DNAH12: variants seen among roughly 807,000 people sequenced by gnomAD.
The protein encoded by DNAH12 is dynein axonemal heavy chain 12.
In DNAH12, 285 loss-of-function variants were observed where a neutral mutation model predicts 371.5. The ratio of observed to expected loss-of-function variants is 0.77; its 90% CI spans 0.70 to 0.85. The LOEUF (loss-of-function observed/expected upper bound fraction) is 0.85. Among genes scored for constraint, DNAH12 ranks in the 40% least tolerant of loss-of-function variants. The pLI is 0.00. For missense variants in DNAH12, 3,611 were observed against 3,689.4 expected (o/e 0.98, Z 0.55); for synonymous variants, 1,200 against 1,213.0 (o/e 0.99, Z 0.22).
At chr3:57,516,053 C>CTTGTTT (rs2068179602) in intron 4 of DNAH12, among the ~76,000 whole-genome samples, 2 of 71,964 alleles carry the variant, frequency 2.8e-5, no homozygotes, top group African/African-American at 5.4e-5. Context: ...ACTGCTTAGT[C>CTTGTTT]TTTTTTTTTT....
intron 5 of DNAH12, 136 bp from the exon 6 acceptor site, chr3:57,509,348 G>GA (rs1258011095): frequency 2.6e-6 from 2 of 768,772 alleles, no homozygotes; most frequent in African/African-American, 3.5e-5. Flanking sequence ...TCCTTTATTT[G>GA]AAACAAAATC....
At chr3:57,403,270 T>C in intron 43 of DNAH12, 39 bp downstream of exon 43, 1 of 1,510,336 alleles carries the variant, frequency 6.6e-7, no homozygotes, top group East Asian at 2.5e-5. Flanking sequence ...AAGAATATAC[T>C]GTTTTCATTT....
chr3:57,521,274 C>A (rs2068429918), intron 4 of DNAH12, among the ~76,000 whole-genome samples: 1 of 151,780 alleles, frequency 6.6e-6, no homozygotes, highest in African/African-American at 2.4e-5. Context: ...AAGGTGGGAG[C>A]TTTAGGCTGA....
intron 49 of DNAH12, among the ~76,000 whole-genome samples, chr3:57,384,619 G>T (rs964716427): frequency 5.9e-5 from 9 of 152,006 alleles, no homozygotes; most frequent in African/African-American, 2.2e-4. Flanking sequence ...ACTCCAGCTT[G>T]GTCAACAAAG....
chr3:57,459,415 T>C (rs1310896885), intron 20 of DNAH12, among the ~76,000 whole-genome samples, 177 bp downstream of exon 20: 4 of 152,244 alleles, frequency 2.6e-5, no homozygotes, highest in Admixed American at 2.6e-4. Context: ...ATGTATCTTA[T>C]GAATTGAAAA....
chr3:57,421,678 G>A lies in DNAH12; in HGVS notation c.5402C>T (p.Ser1801Leu), dbSNP rs2064585668. The A allele has an allele frequency of 3.2e-6, 5 of 1,551,348 alleles. No homozygotes were observed. The highest frequency in any genetic ancestry group is 2.4e-5 in the South Asian group (2 of 84,026). ...MACFIFSLIWSIGGSCDTDGR... is the reference protein window; with the variant it reads ...MACFIFSLIWLIGGSCDTDGR... The stretch of plus-strand genomic sequence containing the variant: ...ATCTGTATCACAACTTCCTCCAATC[G>A]ACCAAATCAAAGAGAATATAAAGCA... The change falls in exon 36 of 74, where the codon TCG (serine) becomes TTG (leucine). Residue 1801 changes from serine (S) to leucine (L), a missense_variant. This residue lies in a region of DNAH12 where 2,266 missense variants were observed against 2,236.9 expected (regional missense o/e 1.01). Transcript: ENST00000495027.
chr3:57,345,115 T>A (rs1206906973), intron 60 of DNAH12, among the ~76,000 whole-genome samples: 2 of 152,116 alleles, frequency 1.3e-5, no homozygotes, highest in Non-Finnish European at 2.9e-5. Context: ...AAGGAAATAA[T>A]AAGAAAAATG....
chr3:57,395,856 G>A (rs1345475519), intron 43 of DNAH12, among the ~76,000 whole-genome samples: 1 of 151,900 alleles, frequency 6.6e-6, no homozygotes, highest in Non-Finnish European at 1.5e-5. Context: ...ACTAGGGAGG[G>A]TGAGGTGGGA....
chr3:57,390,674 T>C (rs1407636735), intron 45 of DNAH12, among the ~76,000 whole-genome samples: 6 of 151,582 alleles, frequency 4.0e-5, no homozygotes, highest in African/African-American at 1.5e-4. Flanking sequence ...CTCAAGAGTA[T>C]GAATACCAAA....
Position 57,453,313 on chromosome 3 carries a change from T to G in DNAH12, c.3547A>C (p.Thr1183Pro). ...TCAATAGTAACCAAAGCCCCCAGAG[T>G]GGTCCTGGTCTGCTTAGACAACTTT... ...RGKLSKQTRT[T>P]LGALVTIDVH... Residue 1183 changes from threonine (T) to proline (P), a missense_variant, in exon 24 of 74, where the codon ACT becomes CCT. By Grantham distance (38) the Thr-to-Pro change is conservative (BLOSUM62 -1). Coordinates refer to ENST00000495027, the MANE Select transcript of DNAH12 (RefSeq NM_001366028.2). The G allele has an allele frequency of 6.4e-7, 1 of 1,550,924 alleles. No individual in the cohort carries two copies.
chr3:57,296,699 A>C, intron 71 of DNAH12, 148 bp downstream of exon 71: 3 of 1,017,344 alleles, frequency 2.9e-6, no homozygotes, highest in Non-Finnish European at 4.2e-6. Context: ...ATTGCAATAT[A>C]TAAAAGTTCT....
intron 16 of DNAH12, among the ~76,000 whole-genome samples, chr3:57,469,987 T>A (rs1488884532): frequency 6.6e-6 from 1 of 152,084 alleles, no homozygotes; most frequent in Non-Finnish European, 1.5e-5. Context: ...AAAATAAAAG[T>A]TGAAATTATA....
chr3:57,371,654 C>G (rs1422964182), intron 55 of DNAH12, among the ~76,000 whole-genome samples: 19 of 128,518 alleles, frequency 1.5e-4, no homozygotes, highest in African/African-American at 5.8e-4. Context: ...AACTGAGACC[C>G]CCATCTCAAA....
At chr3:57,535,976 A>G (rs2069028255) in intron 2 of DNAH12, among the ~76,000 whole-genome samples, 1 of 151,852 alleles carries the variant, frequency 6.6e-6, no homozygotes, top group Non-Finnish European at 1.5e-5. Flanking sequence ...CGCTGGGATT[A>G]TAGGCATCCG....
At chr3:57,349,704 T>C (rs2062626594) in intron 60 of DNAH12, among the ~76,000 whole-genome samples, 1 of 152,218 alleles carries the variant, frequency 6.6e-6, no homozygotes, top group South Asian at 2.1e-4. Context: ...TATTTATTTA[T>C]TTTGAGACGG....
upstream of DNAH12, among the ~76,000 whole-genome samples, chr3:57,544,789 T>A (rs1007315534): frequency 1.3e-5 from 2 of 152,132 alleles, no homozygotes; most frequent in African/African-American, 4.8e-5. Flanking sequence ...GGTTAAGGTG[T>A]GTGAATTTAG....
rs369971376 is a variant in DNAH12 at position 57,420,908 on chromosome 3, C to CAAAAAA, written c.5562+604_5562+609dup. 1.2e-3 allele frequency among the ~76,000 whole-genome samples: 94 copies of CAAAAAA among 77,984 alleles called. 3 individuals are homozygous for CAAAAAA. The highest frequency in any genetic ancestry group is 4.6e-3 in the African/African-American group (87 of 18,916). 51.2% of individuals were successfully genotyped at this position (77,984 alleles called of 152,430 possible). On this transcript the variant is annotated intron_variant, in intron 36 of 73. Coordinates refer to ENST00000495027, the MANE Select transcript of DNAH12 (RefSeq NM_001366028.2). ...TGGACAATAGAGCAAGACTCCGTCT[C>CAAAAAA]AAAAAAAAAAAAAAAAAAAAAAGAA... is the stretch of plus-strand genomic sequence containing the variant.
intron 12 of DNAH12, among the ~76,000 whole-genome samples, chr3:57,483,736 A>G (rs550093995): frequency 6.6e-6 from 1 of 151,908 alleles, no homozygotes; most frequent in Non-Finnish European, 1.5e-5. Flanking sequence ...ACTTGAGCTC[A>G]GGAGTTCAAA....
chr3:57,473,383 G>T (rs2066424595), intron 13 of DNAH12, among the ~76,000 whole-genome samples: 1 of 152,068 alleles, frequency 6.6e-6, no homozygotes, highest in Non-Finnish European at 1.5e-5. Context: ...GCTACTTGGA[G>T]GCTGAGGCAG....
Sources: allele counts gnomAD v4.1 joint callset (sites outside exome capture counted in the v4.1 genomes callset), GRCh38; gene constraint gnomAD v4.1.1; regional missense constraint gnomAD v4.1.1; transcripts MANE v1.5; gene names NCBI Gene and HGNC (gene_info 2026-07-23, HGNC 2026-07-21).